The following PDXDC1 variants were observed in gnomAD, a reference collection of about 807,000 sequenced individuals.
The protein encoded by PDXDC1 is pyridoxal-dependent decarboxylase domain-containing protein 1.
In PDXDC1, 42 loss-of-function variants were observed where a neutral mutation model predicts 100.1. That is an observed-to-expected ratio of 0.42 (90% CI 0.33 to 0.54). The LOEUF is 0.54. Ranked by LOEUF, PDXDC1 falls within the 20% of genes least tolerant of loss-of-function variation. The probability of loss-of-function intolerance (pLI) is 0.10; values close to 1 mark genes in which losing one functional copy is unlikely to be tolerated. For synonymous variants in PDXDC1, 260 were observed against 371.7 expected (o/e 0.70, Z 3.46); for missense variants, 636 against 979.2 (o/e 0.65, Z 4.68).
chr16:14,982,832 T>C (rs1453914754), intron 1 of PDXDC1, among the ~76,000 whole-genome samples: 2 of 152,252 alleles, frequency 1.3e-5, no homozygotes, highest in African/African-American at 4.8e-5. Flanking sequence ...CAGCAGGCAC[T>C]GTTTGTTTTC....
chr16:14,985,521 G>C (rs1413647750), intron 1 of PDXDC1, among the ~76,000 whole-genome samples: 2 of 152,190 alleles, frequency 1.3e-5, no homozygotes, highest in African/African-American at 2.4e-5. Context: ...ATCTGACCTC[G>C]TGATCCACCT....
At chr16:15,131,554 T>C in intron 16 of PDXDC1, 16 of 1,609,424 alleles carry the variant, frequency 9.9e-6, no homozygotes, top group Non-Finnish European at 1.3e-5. Flanking sequence ...TGTCAGGGGC[T>C]CCTCGTTGAG....
chr16:15,000,350 G>A (rs144659233), intron 3 of PDXDC1, among the ~76,000 whole-genome samples: 486 of 152,238 alleles, frequency 3.2e-3, no homozygotes, highest in African/African-American at 0.011. Context: ...CATAACGTCC[G>A]GCTTGGCAAG....
At chr16:15,030,820 T>C (rs565221311) in intron 16 of PDXDC1, among the ~76,000 whole-genome samples, 1 of 152,154 alleles carries the variant, frequency 6.6e-6, no homozygotes, top group African/African-American at 2.4e-5. Flanking sequence ...TTTGATGTCT[T>C]GTGACTCTCG....
intron 14 of PDXDC1, among the ~76,000 whole-genome samples, 189 bp downstream of exon 14, chr16:15,026,895 G>A (rs577039802): frequency 3.9e-5 from 6 of 152,418 alleles, no homozygotes; most frequent in African/African-American, 1.4e-4. Context: ...ATAGTTTGCG[G>A]TGATTAAACC....
chr16:15,022,790 A>C (rs1411939082), intron 13 of PDXDC1, 36 bp downstream of exon 13: 1 of 1,531,220 alleles, frequency 6.5e-7, no homozygotes. Context: ...TCAAAATATA[A>C]CTTTTTTTGA....
At chr16:15,055,573 C>A (rs2044476920) in intron 16 of PDXDC1, among the ~76,000 whole-genome samples, 1 of 152,234 alleles carries the variant, frequency 6.6e-6, no homozygotes, top group Non-Finnish European at 1.5e-5. Context: ...CCTATGGGGG[C>A]TGCAGCCGCC....
chr16:14,984,086 C>T (rs1249103069), intron 1 of PDXDC1, among the ~76,000 whole-genome samples: 1 of 152,224 alleles, frequency 6.6e-6, no homozygotes, highest in Non-Finnish European at 1.5e-5. Context: ...TCGCTTGAGC[C>T]CAGGAGGGTG....
the PDXDC1 span, among the ~76,000 whole-genome samples, chr16:15,144,857 T>C: frequency 6.6e-6 from 1 of 152,218 alleles, no homozygotes; most frequent in Admixed American, 6.5e-5. Flanking sequence ...CCTGTGGGTG[T>C]AGGAAGGAGA....
intron 16 of PDXDC1, among the ~76,000 whole-genome samples, chr16:15,111,250 A>G (rs1213178744): frequency 6.8e-6 from 1 of 147,620 alleles, no homozygotes; most frequent in East Asian, 2.0e-4. Flanking sequence ...TGAGGTCGGG[A>G]GTTTGAGACC....
At position 15,038,316 on chromosome 16, in the gene PDXDC1, A is replaced by G; in HGVS notation, c.*2041A>G. 2 of 821,918 alleles carry G rather than the reference A, an allele frequency of 2.4e-6. No homozygotes were observed. The highest frequency in any genetic ancestry group is 3.8e-6 in the Non-Finnish European group (2 of 527,992). The allele number at this position is 821,918 out of a possible 1,614,324, so 50.9% of individuals were successfully genotyped here. ...TCTTGGACACAAATATATATAATAA[A>G]ATACGTTAAGAAATGAGGTGGCCTG... On this transcript the variant is annotated 3_prime_UTR_variant, in exon 23 of 23. Transcript: ENST00000396410.
At position 15,008,733 on chromosome 16, in the gene PDXDC1, A is replaced by G. The variant is rs768592076; in HGVS notation, c.580-46A>G. On this transcript the variant is annotated intron_variant, in intron 6 of 22. Transcript: ENST00000396410. ...CACAGCCTTTCACAATCTGAAGTGA[A>G]TGGTGCAGAGAGCTTTCTTGTCAAG... 3 of 1,574,214 alleles carry G rather than the reference A, an allele frequency of 1.9e-6. No homozygotes were observed. In the Admixed American group the frequency reaches 5.2e-5, roughly 27 times the overall value.
chr16:15,036,296 A>C lies in PDXDC1; in HGVS notation c.*21A>C, dbSNP rs762884949. On this transcript the variant is annotated 3_prime_UTR_variant, in exon 23 of 23. Transcript: ENST00000396410. ...GATGAGACTCATTGTGTGGTTTGAG[A>C]CTGTACTGAGTATTGTTTCAGGGAA... is the stretch of plus-strand genomic sequence containing the variant. The C allele has an allele frequency of 6.2e-7, 1 of 1,602,018 alleles. No individual in the cohort carries two copies. Among genetic ancestry groups the C allele is most frequent in the East Asian group, 2.2e-5 (1 of 44,812 alleles).
At position 15,131,526 on chromosome 16, in the gene PDXDC1, G is replaced by C. The variant is rs9939643; in HGVS notation, c.1400-7353G>C. The C allele has an allele frequency of 1.8e-3, 2,938 of 1,608,932 alleles. 61 individuals are homozygous for C. The African/African-American group carries it at 0.033, about 18-fold the overall frequency. On this transcript the variant is annotated intron_variant, in intron 16 of 16. Transcript: ENST00000535621. ...GGTCCGAGCGCTTGCCCTGGGCCAC[G>C]ATCTCCTCGCCCGCCAGTGTCAGGG...
In PDXDC1 at chr16:15,034,334, C is replaced by T. The variant is rs1406862261; in HGVS notation, c.1861C>T (p.Gln621Ter). The change falls in exon 20 of 23, where the codon CAA (glutamine) becomes TAA (stop). Residue 621 changes from glutamine (Q) to a stop codon, truncating the protein, a stop_gained. Transcript: ENST00000396410. LOFTEE classifies it high-confidence loss of function. Reference sequence around the variant, plus strand: ...GGTTCGGAAAGGCATTCAGGAAGCTCAAGTGGAGCTGCAGAAGGCAAGTGA... The same window carrying T: ...GGTTCGGAAAGGCATTCAGGAAGCTTAAGTGGAGCTGCAGAAGGCAAGTGA... ...EVVRKGIQEA[Q>*]VELQKASEER... The T allele has an allele frequency of 6.2e-7, 1 of 1,613,450 alleles. No homozygotes were observed. The highest frequency in any genetic ancestry group is 8.5e-7 in the Non-Finnish European group (1 of 1,179,974).
At chr16:15,101,253 G>C (rs1456256739) in intron 16 of PDXDC1, among the ~76,000 whole-genome samples, 1 of 152,208 alleles carries the variant, frequency 6.6e-6, no homozygotes, top group African/African-American at 2.4e-5. Context: ...GATACTTGAT[G>C]TGGTTACACT....
chr16:15,083,078 TAA>T (rs997204545), intron 16 of PDXDC1, among the ~76,000 whole-genome samples: 46 of 152,324 alleles, frequency 3.0e-4, no homozygotes, highest in African/African-American at 1.1e-3. Context: ...GACGTCAGTT[TAA>T]AGTCTAGAAG....
At chr16:15,060,788 G>T (rs1050002692) in intron 16 of PDXDC1, 1 of 152,234 alleles carries the variant, frequency 6.6e-6, no homozygotes, top group South Asian at 2.1e-4. Context: ...CTATTGTTGT[G>T]AGCAAAACCG....
At chr16:14,990,445 GAAGA>G (rs1425120497) in intron 1 of PDXDC1, among the ~76,000 whole-genome samples, 1 of 152,296 alleles carries the variant, frequency 6.6e-6, no homozygotes, top group Admixed American at 6.5e-5. Flanking sequence ...GAAATGTGAT[GAAGA>G]AAGTGGTAGC....
Sources: allele counts gnomAD v4.1 joint callset (sites outside exome capture counted in the v4.1 genomes callset), GRCh38; gene constraint gnomAD v4.1.1; transcripts MANE v1.5; gene names NCBI Gene and HGNC (gene_info 2026-07-23, HGNC 2026-07-21).